The following NTNG1 variants were observed in gnomAD, a reference collection of about 807,000 sequenced individuals.
The protein encoded by NTNG1 is netrin G1, also known as netrin-G1.
In NTNG1, 16 loss-of-function variants were observed where a neutral mutation model predicts 54.0. The observed-to-expected ratio is 0.30, with a 90% confidence interval of 0.20 to 0.45. The LOEUF is 0.45. Ranked by LOEUF, NTNG1 falls within the 20% of genes least tolerant of loss-of-function variation. The pLI is 1.00. For missense variants in NTNG1, 530 were observed against 678.7 expected (o/e 0.78, Z 2.43); for synonymous variants, 255 against 263.1 (o/e 0.97, Z 0.30).
At chr1:107,216,552 T>C (rs1225667004) in intron 2 of NTNG1, among the ~76,000 whole-genome samples, 1 of 152,188 alleles carries the variant, frequency 6.6e-6, no homozygotes, top group Admixed American at 6.5e-5. Flanking sequence ...GGTTAGCTAG[T>C]ATTTTGTTAA....
chr1:107,174,703 C>T (rs1427388796), intron 2 of NTNG1, among the ~76,000 whole-genome samples: 1 of 151,880 alleles, frequency 6.6e-6, no homozygotes, highest in Admixed American at 6.6e-5. Flanking sequence ...TTAAGAAATG[C>T]CAATATTTGA....
intron 2 of NTNG1, among the ~76,000 whole-genome samples, chr1:107,221,518 C>G (rs1660342842): frequency 6.6e-6 from 1 of 152,118 alleles, no homozygotes. Context: ...GTCAAACTTT[C>G]CTGACATTTC....
At chr1:107,179,185 T>C (rs943312629) in intron 2 of NTNG1, among the ~76,000 whole-genome samples, 1 of 152,186 alleles carries the variant, frequency 6.6e-6, no homozygotes, top group Non-Finnish European at 1.5e-5. Flanking sequence ...TTGAGGACTT[T>C]CTTTTTATCC....
At chr1:107,200,500 T>TA (rs1319654831) in intron 2 of NTNG1, among the ~76,000 whole-genome samples, 4 of 598 alleles carry the variant, frequency 6.7e-3, no homozygotes, top group Non-Finnish European at 0.023. Flanking sequence ...AGGGGAACAT[T>TA]AGGGAACATG....
At chr1:107,297,052 T>C (rs1665985806) in intron 2 of NTNG1, among the ~76,000 whole-genome samples, 2 of 148,766 alleles carry the variant, frequency 1.3e-5, no homozygotes, top group African/African-American at 4.9e-5. Flanking sequence ...GCAAGTACTA[T>C]CTGGTAAGTA....
intron 5 of NTNG1, chr1:107,408,499 T>C (rs1376709157): frequency 2.0e-5 from 3 of 152,190 alleles, no homozygotes; most frequent in Admixed American, 6.6e-5. Flanking sequence ...CAAAGAACTT[T>C]CTTCCAGCTA....
intron 2 of NTNG1, among the ~76,000 whole-genome samples, chr1:107,291,664 AAT>A (rs1216517068): frequency 1.3e-5 from 2 of 152,210 alleles, no homozygotes; most frequent in African/African-American, 4.8e-5. Flanking sequence ...CCTACCTCAA[AAT>A]ATGTTTCAAA....
intron 2 of NTNG1, among the ~76,000 whole-genome samples, chr1:107,152,009 TAC>T (rs900113330): frequency 2.0e-5 from 3 of 151,580 alleles, no homozygotes; most frequent in South Asian, 2.1e-4. Context: ...CATATATATA[TAC>T]ACACACATAC....
At chr1:107,180,643 C>T (rs958018663) in intron 2 of NTNG1, among the ~76,000 whole-genome samples, 1 of 152,092 alleles carries the variant, frequency 6.6e-6, no homozygotes, top group African/African-American at 2.4e-5. Flanking sequence ...ATAAATGTCA[C>T]AAAATCTCTA....
chr1:107,422,438 C>T (rs1204113034), intron 5 of NTNG1, among the ~76,000 whole-genome samples: 1 of 152,030 alleles, frequency 6.6e-6, no homozygotes, highest in African/African-American at 2.4e-5. Context: ...GGAATTTGAA[C>T]CTGCATCTCT....
intron 3 of NTNG1, among the ~76,000 whole-genome samples, chr1:107,365,345 A>G (rs1228964152): frequency 1.3e-5 from 2 of 152,204 alleles, no homozygotes; most frequent in African/African-American, 4.8e-5. Context: ...CTACCAAAAA[A>G]AGATAACCAA....
chr1:107,225,554 C>T (rs1357566613), intron 2 of NTNG1, among the ~76,000 whole-genome samples: 1 of 152,070 alleles, frequency 6.6e-6, no homozygotes, highest in Non-Finnish European at 1.5e-5. Context: ...AGCTCCTGAG[C>T]AAGATACATA....
At chr1:107,464,465 T>C (rs1677474754) in intron 7 of NTNG1, among the ~76,000 whole-genome samples, 1 of 151,972 alleles carries the variant, frequency 6.6e-6, no homozygotes. Flanking sequence ...CAGACATATA[T>C]GAAGGGGCTA....
At chr1:107,422,113 C>T (rs1674611597) in intron 5 of NTNG1, among the ~76,000 whole-genome samples, 1 of 152,046 alleles carries the variant, frequency 6.6e-6, no homozygotes, top group Non-Finnish European at 1.5e-5. Context: ...GTATTTAAAC[C>T]ATATGTCAAA....
At chr1:107,149,521 A>G in intron 2 of NTNG1, among the ~76,000 whole-genome samples, 1 of 152,236 alleles carries the variant, frequency 6.6e-6, no homozygotes, top group East Asian at 1.9e-4. Context: ...CTCAGCATAT[A>G]CAAATTCAGA....
intron 2 of NTNG1, among the ~76,000 whole-genome samples, chr1:107,318,677 C>T (rs1470780910): frequency 1.3e-5 from 2 of 152,052 alleles, no homozygotes; most frequent in African/African-American, 2.4e-5. Context: ...AGAAACGTTT[C>T]GACTGACAGC....
At chr1:107,218,916 T>C (rs1660149599) in intron 2 of NTNG1, among the ~76,000 whole-genome samples, 1 of 152,122 alleles carries the variant, frequency 6.6e-6, no homozygotes, top group South Asian at 2.1e-4. Flanking sequence ...TTCCCAGGTG[T>C]TCTTTGAGCT....
At chr1:107,356,523 G>A (rs768305054) in intron 3 of NTNG1, among the ~76,000 whole-genome samples, 2 of 151,996 alleles carry the variant, frequency 1.3e-5, no homozygotes, top group African/African-American at 2.4e-5. Flanking sequence ...CGAACTCCTG[G>A]CCTCAAGTGA....
At position 107,392,615 on chromosome 1, in the gene NTNG1, G is replaced by A. The variant is rs17014202; in HGVS notation, c.888-2539G>A. ...ATTGGATTTTCAACAAGGAGGTCGT[G>A]GGTGATTTGACAAGGGAGGCTGTGG... On this transcript the variant is annotated intron_variant, in intron 3 of 7. Coordinates refer to ENST00000370068, the MANE Select transcript of NTNG1 (RefSeq NM_001113226.3). Among the ~76,000 whole-genome samples, 1,109 of 152,178 alleles carry A rather than the reference G, an allele frequency of 7.3e-3. 5 individuals are homozygous for A. The highest frequency in any genetic ancestry group is 0.01 in the Non-Finnish European group (687 of 68,010).
Sources: allele counts gnomAD v4.1 joint callset (sites outside exome capture counted in the v4.1 genomes callset), GRCh38; gene constraint gnomAD v4.1.1; transcripts MANE v1.5; gene names NCBI Gene and HGNC (gene_info 2026-07-23, HGNC 2026-07-21).